The following RASA3 variants were observed in gnomAD, a reference collection of about 807,000 sequenced individuals.
The protein encoded by RASA3 is ras GTPase-activating protein 3.
Under a neutral mutation model 110.0 loss-of-function variants are expected in RASA3, and 73 were observed. The observed-to-expected ratio is 0.66, with a 90% CI of 0.55 to 0.81. The LOEUF is 0.81. Among genes scored for constraint, RASA3 ranks in the 30% least tolerant of loss-of-function variants. RASA3 has a pLI of 0.00. For synonymous variants in RASA3, 500 were observed against 451.4 expected (o/e 1.11, Z -1.37); for missense variants, 976 against 1,113.2 (o/e 0.88, Z 1.75).
intron 3 of RASA3, among the ~76,000 whole-genome samples, chr13:114,047,800 T>C (rs1358462833): frequency 6.6e-6 from 1 of 152,154 alleles, no homozygotes; most frequent in African/African-American, 2.4e-5. Flanking sequence ...CGTGGCCTCC[T>C]GGAAAAGGCA....
At position 114,014,255 on chromosome 13, in the gene RASA3, G is replaced by A. The variant is rs1181326171; in HGVS notation, c.1405+954C>T. ...ATTCCACAGTGGTCTGTGCTCATCT[G>A]GGTGAGAGGATGTGTTTTATCTCTT... is the stretch of plus-strand genomic sequence containing the variant. On this transcript the variant is annotated intron_variant, in intron 14 of 23. Coordinates refer to ENST00000334062, the MANE Select transcript of RASA3 (RefSeq NM_007368.4). This position sits in a 1 kb window ranked among gnomAD's most constrained non-coding sequence, Gnocchi z 4.5. Among the ~76,000 whole-genome samples the A allele has an allele frequency of 2.0e-5, 3 of 152,204 alleles. No individual in the cohort carries two copies. The highest frequency in any genetic ancestry group is 6.5e-5 in the Admixed American group (1 of 15,288).
At position 113,978,697 on chromosome 13, in the gene RASA3, A is replaced by G. The variant is rs1398714189; in HGVS notation, c.*650T>C. The stretch of plus-strand genomic sequence containing the variant: ...ACAGAACCCGTATCCCCCAAGCACC[A>G]AGGACATCCTCAGACTGGGACTTCT... On this transcript the variant is annotated 3_prime_UTR_variant, in exon 24 of 24. Coordinates refer to ENST00000334062, the MANE Select transcript of RASA3 (RefSeq NM_007368.4). The G allele has an allele frequency of 6.6e-6, 1 of 152,512 alleles. No homozygotes were observed. The highest frequency in any genetic ancestry group is 1.5e-5 in the Non-Finnish European group (1 of 68,346). The allele number at this position is 152,512 out of a possible 1,614,324, so 9.4% of individuals were successfully genotyped here.
chr13:114,020,070 T>C (rs865862340), intron 9 of RASA3, among the ~76,000 whole-genome samples: 3 of 33,260 alleles, frequency 9.0e-5, no homozygotes, highest in African/African-American at 3.1e-4. Flanking sequence ...TTAGCCCCCC[T>C]CAGGTGGGTG....
At chr13:114,129,809 G>C (rs985791667) in intron 1 of RASA3, among the ~76,000 whole-genome samples, 2 of 152,200 alleles carry the variant, frequency 1.3e-5, no homozygotes, top group Non-Finnish European at 2.9e-5. Flanking sequence ...CGGGCCCTGG[G>C]TCATGCAGCA....
At chr13:114,078,725 C>T (rs2079732659) in intron 1 of RASA3, among the ~76,000 whole-genome samples, 1 of 152,272 alleles carries the variant, frequency 6.6e-6, no homozygotes, top group Admixed American at 6.5e-5. Context: ...AGCGTCATGA[C>T]TCCCACGCCC....
chr13:114,046,961 G>A (rs1367100960), intron 3 of RASA3, among the ~76,000 whole-genome samples: 2 of 152,132 alleles, frequency 1.3e-5, no homozygotes, highest in African/African-American at 4.8e-5. Flanking sequence ...AAATGTGAAC[G>A]CTGAAAGCAC....
Position 114,132,517 on chromosome 13 carries a change from G to C in RASA3, c.-28C>G. The C allele has an allele frequency of 6.8e-7, 1 of 1,465,932 alleles. No homozygotes were observed. The highest frequency in any genetic ancestry group is 9.0e-7 in the Non-Finnish European group (1 of 1,110,602). 90.8% of individuals were successfully genotyped at this position (1,465,932 alleles called of 1,614,324 possible). A position where few individuals can be genotyped will look rare whatever the true frequency, so the allele number is the denominator to read the frequency against. ...TGCGCGTCCGCGCCCGCCGAGCCTC[G>C]CCCCAAGCGCGCGCCGAGCCCGGGC... is the stretch of plus-strand genomic sequence containing the variant. On this transcript the variant is annotated 5_prime_UTR_variant, in exon 1 of 24. Coordinates refer to ENST00000334062, the MANE Select transcript of RASA3 (RefSeq NM_007368.4).
In RASA3 at chr13:113,999,617, T is replaced by A. The variant is rs779304893; in HGVS notation, c.1900A>T (p.Lys634Ter). 6.2e-7 allele frequency: 1 copy of A among 1,612,308 alleles called. No homozygotes were observed. Among genetic ancestry groups the A allele is most frequent in the Non-Finnish European group, 8.5e-7 (1 of 1,179,518 alleles). Reference protein sequence around the residue: ...IPIENILAVEKLEEESFKMKN... With the variant: ...IPIENILAVE ...ATTTTGAAAGACTCCTCCTCCAGCT[T>A]CTCCACTGCCAGGATGTTCTCGATG... The change falls in exon 20 of 24, where the codon AAG (lysine) becomes TAG (stop). Residue 634 changes from lysine to a stop codon, truncating the protein, a stop_gained. Coordinates refer to ENST00000334062, the MANE Select transcript of RASA3 (RefSeq NM_007368.4). LOFTEE classifies it high-confidence loss of function.
chr13:114,105,152 C>G (rs2080116969), intron 1 of RASA3, among the ~76,000 whole-genome samples: 1 of 152,138 alleles, frequency 6.6e-6, no homozygotes, highest in Admixed American at 6.5e-5. Flanking sequence ...CAGGGCCAAG[C>G]CGTCACCTCA....
chr13:113,979,019 T>G lies in RASA3; in HGVS notation c.*328A>C, dbSNP rs949108296. 1 of 369,204 alleles carries G rather than the reference T, an allele frequency of 2.7e-6. No homozygotes were observed. The highest frequency in any genetic ancestry group is 2.1e-5 in the African/African-American group (1 of 48,678). The allele number at this position is 369,204 out of a possible 1,614,324, so 22.9% of individuals were successfully genotyped here. ...ATGTCACAGTCGACTAGACGGGCCG[T>G]GGCTCCCTGAGGCTGGCTGTGGTGT... On this transcript the variant is annotated 3_prime_UTR_variant, in exon 24 of 24. Transcript: ENST00000334062.
At chr13:114,097,339 C>T (rs1228153925) in intron 1 of RASA3, among the ~76,000 whole-genome samples, 1 of 152,206 alleles carries the variant, frequency 6.6e-6, no homozygotes, top group Non-Finnish European at 1.5e-5. Flanking sequence ...AAGCAGCCGG[C>T]AACCTGCCCG....
chr13:114,131,443 A>AAGT (rs2080518091), intron 1 of RASA3, among the ~76,000 whole-genome samples: 1 of 152,034 alleles, frequency 6.6e-6, no homozygotes, highest in African/African-American at 2.4e-5. Flanking sequence ...GAGGGGGAGG[A>AAGT]CTTCCACATC....
At chr13:114,033,158 C>T (rs1397449897) in intron 4 of RASA3, among the ~76,000 whole-genome samples, 1 of 98,694 alleles carries the variant, frequency 1.0e-5, no homozygotes, top group Non-Finnish European at 2.1e-5. Context: ...CCCCACGGCA[C>T]CCCCACACTG....
At position 114,015,329 on chromosome 13, in the gene RASA3, T is replaced by G; in HGVS notation, c.1285A>C (p.Asn429His). The G allele has an allele frequency of 3.7e-6, 6 of 1,612,656 alleles. No individual in the cohort carries two copies. The highest frequency in any genetic ancestry group is 5.1e-6 in the Non-Finnish European group (6 of 1,179,840). Residue 429 changes from asparagine to histidine, a missense_variant, in exon 14 of 24, where the codon AAC becomes CAC. By Grantham distance (68) the Asn-to-His change is moderately conservative. Transcript: ENST00000334062. ...DGENLENNME[N>H]LRQYVDRVFH... The stretch of plus-strand genomic sequence containing the variant: ...ACGCGGTCCACATACTGCCGTAGGT[T>G]CTCCTGCAACGGGACACGGCACTGG...
In RASA3 at chr13:114,064,815, T is replaced by C. The variant is rs1049839763; in HGVS notation, c.173+8905A>G. On this transcript the variant is annotated intron_variant, in intron 2 of 23. Coordinates refer to ENST00000334062, the MANE Select transcript of RASA3 (RefSeq NM_007368.4). Reference sequence around the variant, plus strand: ...AGCAGTCAGATGCGGGATGAATGCCTGGCCCAGGCGGCCCCCACTCACCGC... The same window carrying C: ...AGCAGTCAGATGCGGGATGAATGCCCGGCCCAGGCGGCCCCCACTCACCGC... Among the ~76,000 whole-genome samples, 5 of 152,362 alleles carry C rather than the reference T, an allele frequency of 3.3e-5. No individual in the cohort carries two copies. In the East Asian group the frequency reaches 9.6e-4, roughly 29 times the overall value.
intron 8 of RASA3, among the ~76,000 whole-genome samples, chr13:114,021,878 A>G (rs1343328303): frequency 6.6e-6 from 1 of 151,786 alleles, no homozygotes; most frequent in African/African-American, 2.4e-5. Context: ...CAGGAGCTAC[A>G]TGACCCCAGG....
rs561135666 is a variant in RASA3, at chr13:113,992,472, C to A, written c.2245+13G>T. The A allele has an allele frequency of 1.0e-5, 16 of 1,603,110 alleles. No individual in the cohort carries two copies. The highest frequency in any genetic ancestry group is 1.7e-5 in the Admixed American group (1 of 59,960). ...CCCCTCGCTGCACAGATCTGTGTGC[C>A]GGGCAGACTCACCCTGCATCTTCTC... On this transcript the variant is annotated intron_variant, in intron 22 of 23. Transcript: ENST00000334062.
chr13:114,050,373 CAAAAT>C (rs1464196355), intron 3 of RASA3, among the ~76,000 whole-genome samples: 2 of 152,232 alleles, frequency 1.3e-5, no homozygotes, highest in Admixed American at 6.5e-5. Flanking sequence ...TGTTCCCGCT[CAAAAT>C]GAAGTCAAAT....
At chr13:114,037,472 C>G (rs1234235579) in intron 4 of RASA3, among the ~76,000 whole-genome samples, 2 of 152,098 alleles carry the variant, frequency 1.3e-5, no homozygotes, top group East Asian at 3.9e-4. Flanking sequence ...AGACAGAGTG[C>G]CATGGGGCTG....
Sources: allele counts gnomAD v4.1 joint callset (sites outside exome capture counted in the v4.1 genomes callset), GRCh38; gene constraint gnomAD v4.1.1; non-coding constraint Gnocchi (gnomAD v3.1); transcripts MANE v1.5; gene names NCBI Gene and HGNC (gene_info 2026-07-23, HGNC 2026-07-21).